The following PDE11A variants were observed in gnomAD, a reference collection of about 807,000 sequenced individuals.
The protein encoded by PDE11A is phosphodiesterase 11A, also known as dual 3',5'-cyclic-AMP and -GMP phosphodiesterase 11A.
In PDE11A, 100 loss-of-function variants were observed where a neutral mutation model predicts 100.5. The ratio of observed to expected loss-of-function variants is 1.00; its 90% CI spans 0.85 to 1.18. The LOEUF is 1.18. PDE11A is among the 50% of genes most tolerant of loss of function. The pLI is 0.00. For missense variants in PDE11A, 1,141 were observed against 1,152.6 expected (o/e 0.99, Z 0.15); for synonymous variants, 381 against 420.8 (o/e 0.91, Z 1.16).
chr2:177,870,573 A>G (rs982767523), intron 5 of PDE11A, among the ~76,000 whole-genome samples: 1 of 152,192 alleles, frequency 6.6e-6, no homozygotes, highest in African/African-American at 2.4e-5. Context: ...AGCAACTACT[A>G]TGTGCCAGGC....
upstream of PDE11A, among the ~76,000 whole-genome samples, chr2:178,073,286 G>C (rs1163095267): frequency 6.6e-6 from 1 of 152,146 alleles, no homozygotes; most frequent in Non-Finnish European, 1.5e-5. Flanking sequence ...GCGCCTTGTG[G>C]GTGCTCAGTA....
At chr2:177,744,706 GGCCTCCCTA>G (rs2081923373) in intron 10 of PDE11A, among the ~76,000 whole-genome samples, 1 of 152,122 alleles carries the variant, frequency 6.6e-6, no homozygotes, top group African/African-American at 2.4e-5. Flanking sequence ...TGTGACCCAG[GGCCTCCCTA>G]GCAATGATGA....
intron 4 of PDE11A, among the ~76,000 whole-genome samples, chr2:177,881,347 CTAT>C (rs2084336624): frequency 2.4e-4 from 35 of 146,030 alleles, no homozygotes; most frequent in African/African-American, 8.6e-4. Context: ...ATCTGTCTAT[CTAT>C]CTATCTATCT....
At chr2:177,995,016 T>C (rs2015183) in intron 2 of PDE11A, among the ~76,000 whole-genome samples, 137,615 of 152,196 alleles carry the variant, frequency 0.9, 63,291 homozygotes, top group South Asian at 0.99. Flanking sequence ...GAACAGTCAA[T>C]TCAGTATCAA....
chr2:177,759,104 T>C (rs940055357), intron 10 of PDE11A, among the ~76,000 whole-genome samples: 1 of 151,930 alleles, frequency 6.6e-6, no homozygotes, highest in Non-Finnish European at 1.5e-5. Context: ...TGAATTGCCA[T>C]GAGATCCTTT....
upstream of PDE11A, among the ~76,000 whole-genome samples, chr2:178,077,263 T>TC (rs199912591): frequency 1.4e-3 from 22 of 16,072 alleles, 1 homozygote; most frequent in Middle Eastern, 0.048. Flanking sequence ...TTTCTTTCTT[T>TC]TTTTTTTTTT....
intron 12 of PDE11A, among the ~76,000 whole-genome samples, chr2:177,715,481 T>A (rs542526568): frequency 0.076 from 11,586 of 151,544 alleles, 1,464 homozygotes; most frequent in African/African-American, 0.26. Context: ...CTTTTTTTTT[T>A]AAAATAATTT....
rs2087130401 is a variant in PDE11A, at chr2:178,071,564, C to T, written c.874G>A (p.Glu292Lys). 2 of 1,613,168 alleles carry T rather than the reference C, an allele frequency of 1.2e-6. No individual in the cohort carries two copies. Among genetic ancestry groups the T allele is most frequent in the Non-Finnish European group, 1.7e-6 (2 of 1,179,100 alleles). The change falls in exon 1 of 20, where the codon GAG becomes AAG. Residue 292 changes from glutamate to lysine, a missense_variant. Transcript: ENST00000286063. ...WGKGIIGYVGEHGETVNIPDA... is the reference protein window; with the variant it reads ...WGKGIIGYVGKHGETVNIPDA... ...GGAATGTTGACCGTTTCTCCATGCT[C>T]CCCGACATAGCCAATGATACCTTTG...
intron 10 of PDE11A, among the ~76,000 whole-genome samples, chr2:177,757,030 C>T: frequency 6.6e-6 from 1 of 152,196 alleles, no homozygotes; most frequent in Non-Finnish European, 1.5e-5. Flanking sequence ...CAAAAAGGAT[C>T]TTACAAATTC....
chr2:177,807,265 G>C (rs1292407732), intron 9 of PDE11A, among the ~76,000 whole-genome samples: 2 of 151,996 alleles, frequency 1.3e-5, no homozygotes, highest in Non-Finnish European at 2.9e-5. Flanking sequence ...TATCTTAAAA[G>C]GGCTGAAAGA....
intron 5 of PDE11A, among the ~76,000 whole-genome samples, chr2:177,841,539 T>C (rs2083490669): frequency 6.6e-6 from 1 of 152,210 alleles, no homozygotes; most frequent in South Asian, 2.1e-4. Context: ...ATAATGTCCC[T>C]GTGTAAAATT....
chr2:177,921,185 G>A (rs116283546), intron 2 of PDE11A, among the ~76,000 whole-genome samples: 1,861 of 149,344 alleles, frequency 0.012, 35 homozygotes, highest in African/African-American at 0.041. Context: ...ATCCAGAAAC[G>A]TAGCATATTT....
At chr2:177,688,909 A>T (rs16865591) in intron 15 of PDE11A, among the ~76,000 whole-genome samples, 1,650 of 152,352 alleles carry the variant, frequency 0.011, 30 homozygotes, top group African/African-American at 0.038. Flanking sequence ...CATTTCTGTG[A>T]ACATTTTAAT....
At chr2:177,669,777 A>G (rs967585364) in intron 17 of PDE11A, among the ~76,000 whole-genome samples, 2 of 152,250 alleles carry the variant, frequency 1.3e-5, no homozygotes, top group African/African-American at 2.4e-5. Context: ...TGTGCAATGT[A>G]ATTTTAGATG....
At chr2:178,075,847 G>C (rs2087201670), upstream of PDE11A, among the ~76,000 whole-genome samples, 1 of 152,050 alleles carries the variant, frequency 6.6e-6, no homozygotes, top group South Asian at 2.1e-4. Context: ...GGTCCCACTA[G>C]GAAAGAATGG....
intron 2 of PDE11A, among the ~76,000 whole-genome samples, chr2:177,957,337 T>A (rs2085577924): frequency 6.6e-6 from 1 of 152,210 alleles, no homozygotes; most frequent in Non-Finnish European, 1.5e-5. Flanking sequence ...GTTAGAACTG[T>A]TAAATTCAGT....
intron 1 of PDE11A, among the ~76,000 whole-genome samples, chr2:178,017,329 AAATT>A (rs2086351171): frequency 1.3e-5 from 2 of 152,260 alleles, no homozygotes. Flanking sequence ...AGAGAAAAAT[AAATT>A]ATGATCTTGT....
chr2:177,821,871 A>G (rs74331896), intron 6 of PDE11A, among the ~76,000 whole-genome samples: 10,724 of 151,884 alleles, frequency 0.071, 405 homozygotes, highest in Middle Eastern at 0.14. Context: ...TCATATACTT[A>G]TCATCTATTT....
intron 9 of PDE11A, among the ~76,000 whole-genome samples, chr2:177,787,295 A>G (rs992462438): frequency 6.6e-6 from 1 of 150,710 alleles, no homozygotes; most frequent in African/African-American, 2.4e-5. Flanking sequence ...ACTAAGCTTC[A>G]TAAGTGAAGG....
Sources: gnomAD v4.1 joint callset for allele counts (sites outside exome capture counted in the v4.1 genomes callset) on GRCh38, gnomAD v4.1.1 for gene constraint, MANE v1.5 for transcripts, NCBI Gene and HGNC (gene_info 2026-07-23, HGNC 2026-07-21) for gene names.